FBXL20: variants seen among roughly 807,000 people sequenced by gnomAD.
The protein encoded by FBXL20 is F-box and leucine rich repeat protein 20.
Under a neutral mutation model 64.0 loss-of-function variants are expected in FBXL20, and 11 were observed. That is an observed-to-expected ratio of 0.17 (90% CI 0.11 to 0.28). The LOEUF is 0.28. Ranked by LOEUF, FBXL20 falls within the 10% of genes least tolerant of loss-of-function variation. The pLI is 1.00. For missense variants in FBXL20, 303 were observed against 526.2 expected (o/e 0.58, Z 4.15); for synonymous variants, 184 against 189.0 (o/e 0.97, Z 0.22).
intron 1 of FBXL20, among the ~76,000 whole-genome samples, chr17:39,354,815 T>C (rs566797952): frequency 7.9e-5 from 12 of 152,348 alleles, no homozygotes; most frequent in Non-Finnish European, 1.8e-4. Flanking sequence ...GACTGAATTA[T>C]ACTACAACAA....
chr17:39,288,124 C>A (rs1226279146), intron 6 of FBXL20, among the ~76,000 whole-genome samples: 3 of 151,826 alleles, frequency 2.0e-5, no homozygotes, highest in Non-Finnish European at 2.9e-5. Context: ...CCAACACACC[C>A]AGCTAATTTT....
chr17:39,350,826 A>AT (rs1419383161), intron 1 of FBXL20, among the ~76,000 whole-genome samples: 1 of 152,100 alleles, frequency 6.6e-6, no homozygotes, highest in Non-Finnish European at 1.5e-5. Context: ...AATTCATAGG[A>AT]TTTTCCCTAG....
chr17:39,331,530 A>C (rs1052264398), intron 2 of FBXL20, among the ~76,000 whole-genome samples: 1 of 152,276 alleles, frequency 6.6e-6, no homozygotes, highest in Middle Eastern at 3.4e-3. Flanking sequence ...GATTGCTATA[A>C]TGCCCTAGGC....
intron 2 of FBXL20, among the ~76,000 whole-genome samples, chr17:39,320,497 T>C (rs1286111392): frequency 6.6e-6 from 1 of 152,004 alleles, no homozygotes; most frequent in Non-Finnish European, 1.5e-5. Context: ...ACTATTAGCA[T>C]AAGAGGCTTT....
intron 6 of FBXL20, among the ~76,000 whole-genome samples, chr17:39,293,776 T>G (rs541786367): frequency 6.6e-6 from 1 of 152,298 alleles, no homozygotes; most frequent in Non-Finnish European, 1.5e-5. Context: ...GGTCTCATCC[T>G]GTGCATGCAG....
intron 1 of FBXL20, among the ~76,000 whole-genome samples, chr17:39,378,670 C>T (rs2047993439): frequency 6.6e-6 from 1 of 151,538 alleles, no homozygotes; most frequent in Non-Finnish European, 1.5e-5. Context: ...AGTGCAGTGG[C>T]ACCGTGTTGG....
At chr17:39,316,197 G>C (rs951923665) in intron 2 of FBXL20, among the ~76,000 whole-genome samples, 1 of 152,080 alleles carries the variant, frequency 6.6e-6, no homozygotes, top group Non-Finnish European at 1.5e-5. Flanking sequence ...ATTGGAATTG[G>C]AAATATCAGT....
rs184519568 is a variant in FBXL20 at position 39,272,351 on chromosome 17, G to C, written c.828-1495C>G. ...CAGTGAGCTGAGGTCACGCCACTGC[G>C]CTCCAGCCTGGCAACAGAGCGAGAC... On this transcript the variant is annotated intron_variant, in intron 10 of 14. Transcript: ENST00000264658. Among the ~76,000 whole-genome samples, 63 of 149,638 alleles carry C rather than the reference G, an allele frequency of 4.2e-4. No homozygotes were observed. In the East Asian group the frequency reaches 0.012, roughly 28 times the overall value.
chr17:39,319,690 A>AC (rs2047334292), intron 2 of FBXL20, among the ~76,000 whole-genome samples: 1 of 150,990 alleles, frequency 6.6e-6, no homozygotes, highest in Non-Finnish European at 1.5e-5. Context: ...AAAAAAAAAA[A>AC]AAAAAACTAT....
chr17:39,295,299 C>T (rs921688659), intron 6 of FBXL20, among the ~76,000 whole-genome samples: 6 of 152,176 alleles, frequency 3.9e-5, no homozygotes, highest in African/African-American at 1.4e-4. Flanking sequence ...CAGAGTCTTG[C>T]TCTTTCATCT....
At chr17:39,343,826 G>C (rs565476806) in intron 1 of FBXL20, among the ~76,000 whole-genome samples, 4 of 151,956 alleles carry the variant, frequency 2.6e-5, no homozygotes, top group Admixed American at 1.3e-4. Context: ...CTCCTGGGTA[G>C]CTGAGGTTAC....
chr17:39,293,212 T>C (rs2047056233), intron 6 of FBXL20, among the ~76,000 whole-genome samples: 1 of 151,646 alleles, frequency 6.6e-6, no homozygotes, highest in Admixed American at 6.6e-5. Context: ...GCAGTTAAGT[T>C]TGTTTTGGAT....
Position 39,401,385 on chromosome 17 carries a change from G to GA in FBXL20, c.17_18insT (p.Gly7ArgfsTer8). 1 of 1,611,786 alleles carries GA rather than the reference G, an allele frequency of 6.2e-7. No individual in the cohort carries two copies. On this transcript the variant is annotated frameshift_variant, in exon 1 of 15. Coordinates refer to ENST00000264658, the MANE Select transcript of FBXL20 (RefSeq NM_032875.3). LOFTEE classifies it high-confidence loss of function. ...CCTCAAACCTGCTCTTGGTCACTCC[G>GA]TTCACGTCCCTCCTCATGGGGCCGG... is the stretch of plus-strand genomic sequence containing the variant.
At position 39,258,960 on chromosome 17, in the gene FBXL20, A is replaced by G. The variant is rs796648131; in HGVS notation, c.*2500T>C. Reference sequence around the variant, plus strand: ...TCCTTATAAGGTAATCTGAAAGAGAATAAGGGGAAAGGGGAATGAATAAAC... The same window carrying G: ...TCCTTATAAGGTAATCTGAAAGAGAGTAAGGGGAAAGGGGAATGAATAAAC... On this transcript the variant is annotated 3_prime_UTR_variant, in exon 15 of 15. Transcript: ENST00000264658. 49 of 152,332 alleles carry G rather than the reference A, an allele frequency of 3.2e-4. No individual in the cohort carries two copies. Among genetic ancestry groups the G allele is most frequent in the African/African-American group, 1.1e-3 (47 of 41,568 alleles). The allele number at this position is 152,332 out of a possible 1,614,324, so 9.4% of individuals were successfully genotyped here.
intron 1 of FBXL20, among the ~76,000 whole-genome samples, chr17:39,351,816 A>G (rs1016206967): frequency 6.6e-6 from 1 of 152,208 alleles, no homozygotes; most frequent in African/African-American, 2.4e-5. Flanking sequence ...GCAAGCAGAC[A>G]CTGTGATAGC....
At chr17:39,279,820 C>T (rs1392481448) in intron 9 of FBXL20, among the ~76,000 whole-genome samples, 1 of 151,886 alleles carries the variant, frequency 6.6e-6, no homozygotes, top group African/African-American at 2.4e-5. Flanking sequence ...ATCACTTGAG[C>T]CCGGGAGGTG....
rs1355851365 is a variant in FBXL20 at position 39,315,757 on chromosome 17, G to A, written c.105-12118C>T. On this transcript the variant is annotated intron_variant, in intron 2 of 14. Coordinates refer to ENST00000264658, the MANE Select transcript of FBXL20 (RefSeq NM_032875.3). ...ACTTTGTCCGTGCAACAGGAGGAAGGTGGCATGGCATGAAGTGCCCAAACC... is the reference window on the plus strand; with the variant it reads ...ACTTTGTCCGTGCAACAGGAGGAAGATGGCATGGCATGAAGTGCCCAAACC... Among the ~76,000 whole-genome samples, 9 of 151,580 alleles carry A rather than the reference G, an allele frequency of 5.9e-5. No individual in the cohort carries two copies. In the Admixed American group the frequency reaches 5.9e-4, roughly 10 times the overall value.
chr17:39,382,937 A>C (rs1294503637), intron 1 of FBXL20, among the ~76,000 whole-genome samples: 1 of 151,962 alleles, frequency 6.6e-6, no homozygotes, highest in East Asian at 1.9e-4. Context: ...TGGGCAGATC[A>C]CAAGGTCAAG....
chr17:39,333,311 G>A (rs1004851474), intron 2 of FBXL20, among the ~76,000 whole-genome samples: 1 of 152,182 alleles, frequency 6.6e-6, no homozygotes, highest in Admixed American at 6.5e-5. Context: ...ACGCCTGACT[G>A]GTTTTCGTAT....
Sources: allele counts gnomAD v4.1 joint callset (sites outside exome capture counted in the v4.1 genomes callset), GRCh38; gene constraint gnomAD v4.1.1; transcripts MANE v1.5; gene names NCBI Gene and HGNC (gene_info 2026-07-23, HGNC 2026-07-21).